DNAH11: variants seen among roughly 807,000 people sequenced by gnomAD.
The protein encoded by DNAH11 is axonemal beta dynein heavy chain 11.
DNAH11 carries 442 observed loss-of-function variants against 526.0 expected under a neutral mutation model. That is an observed-to-expected ratio of 0.84 (90% confidence interval 0.78 to 0.91). The LOEUF (loss-of-function observed/expected upper bound fraction) is 0.91. Ranked by LOEUF, DNAH11 falls within the 40% of genes least tolerant of loss-of-function variation. DNAH11 has a pLI of 0.00. For missense variants in DNAH11, 6,989 were observed against 5,448.7 expected, an observed-to-expected ratio of 1.28 and a Z score of -8.90; for synonymous variants, 2,461 against 1,935.9, an observed-to-expected ratio of 1.27 and a Z score of -7.12.
intron 30 of DNAH11, among the ~76,000 whole-genome samples, chr7:21,676,060 G>A (rs1344137040): frequency 6.6e-6 from 1 of 152,114 alleles, no homozygotes; most frequent in African/African-American, 2.4e-5. Context: ...CAGAGAGAAG[G>A]CCAGCATGGT....
intron 2 of DNAH11, among the ~76,000 whole-genome samples, chr7:21,550,513 G>C (rs1003579138): frequency 6.6e-6 from 1 of 152,118 alleles, no homozygotes. Flanking sequence ...TTTTCTTGGG[G>C]CTGTTCTAAT....
intron 65 of DNAH11, among the ~76,000 whole-genome samples, chr7:21,834,474 A>C (rs1265935529): frequency 6.6e-6 from 1 of 152,152 alleles, no homozygotes; most frequent in African/African-American, 2.4e-5. Flanking sequence ...GAATAAAAGA[A>C]GTAATGAAGA....
At chr7:21,591,109 A>C (rs1263507207) in intron 13 of DNAH11, 76 bp from the exon 14 acceptor site, 14 of 1,457,774 alleles carry the variant, frequency 9.6e-6, no homozygotes, top group Non-Finnish European at 1.3e-5. Context: ...GATCTATATG[A>C]TATTTTTACA....
intron 80 of DNAH11, 72 bp from the exon 81 acceptor site, chr7:21,899,908 A>G (rs2128052230): frequency 6.4e-7 from 1 of 1,557,614 alleles, no homozygotes. Context: ...GGATGCCTCA[A>G]TTTACTGGTA....
chr7:21,755,663 A>G (rs944366325), intron 54 of DNAH11, among the ~76,000 whole-genome samples: 2 of 152,126 alleles, frequency 1.3e-5, no homozygotes, highest in Admixed American at 6.6e-5. Flanking sequence ...TCAGTCTTCT[A>G]TGTGCACATA....
chr7:21,869,217 T>G (rs1783406216), intron 73 of DNAH11, among the ~76,000 whole-genome samples: 1 of 152,160 alleles, frequency 6.6e-6, no homozygotes, highest in East Asian at 1.9e-4. Context: ...TACTCTAAAA[T>G]TAAAACTATT....
intron 2 of DNAH11, among the ~76,000 whole-genome samples, chr7:21,546,253 A>T (rs75651287): frequency 2.5e-3 from 376 of 152,274 alleles, no homozygotes; most frequent in African/African-American, 8.6e-3. Flanking sequence ...GACTAACCAA[A>T]GTCTCTCACC....
At chr7:21,881,347 C>T (rs1326971475) in intron 75 of DNAH11, among the ~76,000 whole-genome samples, 1 of 152,178 alleles carries the variant, frequency 6.6e-6, no homozygotes, top group African/African-American at 2.4e-5. Context: ...GCATTTCCTG[C>T]ATATGTCATT....
intron 30 of DNAH11, among the ~76,000 whole-genome samples, chr7:21,676,580 A>C (rs1313614280): frequency 6.6e-6 from 1 of 152,206 alleles, no homozygotes; most frequent in Non-Finnish European, 1.5e-5. Context: ...GATGCTGTGC[A>C]GATTATGTTG....
Position 21,558,944 on chromosome 7 carries a change from C to A in DNAH11, c.638C>A (p.Pro213Gln), listed in dbSNP as rs754379299. 3.8e-6 allele frequency: 6 copies of A among 1,595,452 alleles called. No homozygotes were observed. The African/African-American group carries it at 6.7e-5, about 18-fold the overall frequency. ...AAAATGTCTAGAAGAACTCTTCTAC[C>A]AATTCCCACTGTTGCAGGAAAGATG... ...RGKMSRRTLL[P>Q]IPTVAGKMDL... The change falls in exon 3 of 82, where the codon CCA (proline) becomes CAA (glutamine). Residue 213 changes from proline to glutamine, a missense_variant. Transcript: ENST00000409508.
At chr7:21,878,989 A>G (rs1783812595) in intron 74 of DNAH11, among the ~76,000 whole-genome samples, 1 of 152,202 alleles carries the variant, frequency 6.6e-6, no homozygotes, top group African/African-American at 2.4e-5. Context: ...ATAGTCCTCA[A>G]CTTCCTTTCC....
chr7:21,826,098 G>A (rs533010013), intron 65 of DNAH11, among the ~76,000 whole-genome samples: 1 of 152,122 alleles, frequency 6.6e-6, no homozygotes, highest in East Asian at 1.9e-4. Context: ...TACATTGAAA[G>A]CACAGACTTC....
intron 68 of DNAH11, among the ~76,000 whole-genome samples, chr7:21,857,425 A>C (rs1782893886): frequency 6.6e-6 from 1 of 152,200 alleles, no homozygotes; most frequent in South Asian, 2.1e-4. Context: ...GTCCCAATCA[A>C]AACACCAGAA....
intron 26 of DNAH11, 107 bp from the exon 27 acceptor site, chr7:21,637,504 C>T (rs1371329945): frequency 1.3e-6 from 1 of 777,720 alleles, no homozygotes; most frequent in East Asian, 2.7e-5. Flanking sequence ...GTATCTTTGA[C>T]CTTGCCTCTT....
At chr7:21,583,413 C>T (rs1784380592) in intron 9 of DNAH11, among the ~76,000 whole-genome samples, 1 of 152,188 alleles carries the variant, frequency 6.6e-6, no homozygotes, top group African/African-American at 2.4e-5. Flanking sequence ...GGACCTCTTC[C>T]TTACACCTTA....
At chr7:21,677,633 C>G (rs1218103193) in intron 30 of DNAH11, among the ~76,000 whole-genome samples, 2 of 152,212 alleles carry the variant, frequency 1.3e-5, no homozygotes, top group African/African-American at 4.8e-5. Flanking sequence ...GATCCACCTG[C>G]CTGGGCCTCC....
chr7:21,781,845 A>G (rs759826930), intron 57 of DNAH11, among the ~76,000 whole-genome samples: 3 of 152,200 alleles, frequency 2.0e-5, no homozygotes, highest in South Asian at 2.1e-4. Flanking sequence ...CCAAGATCAA[A>G]GTATTGGCAA....
At chr7:21,647,816 A>T (rs550770990) in intron 28 of DNAH11, among the ~76,000 whole-genome samples, 1 of 152,320 alleles carries the variant, frequency 6.6e-6, no homozygotes, top group South Asian at 2.1e-4. Context: ...ATACCTTTTT[A>T]AAAAAGGATA....
rs754033498 is a variant in DNAH11, at chr7:21,749,761, T to C, written c.8757T>C (p.Asp2919=). 6 of 1,613,904 alleles carry C rather than the reference T, an allele frequency of 3.7e-6. No homozygotes were observed. In the African/African-American group the frequency reaches 8.0e-5, roughly 22 times the overall value. The stretch of plus-strand genomic sequence containing the variant: ...TGCTGACAGATGCCCAGGTTCTAGA[T>C]GAGAGCTTCCTCGTGCTGATTAATG... ...VFLLTDAQVL[D]ESFLVLINDL... is the part of the protein sequence containing the mutation. Residue 2919 remains aspartate (D), a synonymous_variant, in exon 53 of 82, where the codon GAT becomes GAC. Transcript: ENST00000409508.
Sources: allele counts gnomAD v4.1 joint callset (sites outside exome capture counted in the v4.1 genomes callset), GRCh38; gene constraint gnomAD v4.1.1; transcripts MANE v1.5; gene names NCBI Gene and HGNC (gene_info 2026-07-23, HGNC 2026-07-21).